The following PHACTR1 variants were observed in gnomAD, a reference collection of about 807,000 sequenced individuals.
PHACTR1 encodes the protein RPEL repeat containing 1.
A neutral mutation model predicts 69.2 loss-of-function variants in PHACTR1; 16 were observed. The ratio of observed to expected loss-of-function variants is 0.23; its 90% CI spans 0.16 to 0.35. PHACTR1 has a LOEUF of 0.35. PHACTR1 is among the 10% of genes least tolerant of loss of function. The pLI, the probability that PHACTR1 is intolerant of heterozygous loss-of-function variation, is 1.00. For synonymous variants in PHACTR1, 312 were observed against 284.5 expected (o/e 1.10, Z -0.97); for missense variants, 510 against 734.7 (o/e 0.69, Z 3.54).
At chr6:13,285,758 C>T (rs981584076) in intron 13 of PHACTR1, among the ~76,000 whole-genome samples, 4 of 152,160 alleles carry the variant, frequency 2.6e-5, no homozygotes, top group African/African-American at 9.7e-5. Context: ...TGGAAGTCTC[C>T]ACCTCGAGGC....
chr6:12,751,474 A>G (rs1448463004), intron 4 of PHACTR1, among the ~76,000 whole-genome samples: 2 of 152,364 alleles, frequency 1.3e-5, no homozygotes, highest in East Asian at 3.9e-4. Context: ...AAATTAGTCT[A>G]TTGACCCCTT....
At chr6:12,872,595 A>G (rs1432021801) in intron 4 of PHACTR1, among the ~76,000 whole-genome samples, 1 of 152,208 alleles carries the variant, frequency 6.6e-6, no homozygotes. Flanking sequence ...CGATGTGACT[A>G]TTTAAATTTC....
At chr6:13,049,588 C>T (rs1242993168) in intron 4 of PHACTR1, among the ~76,000 whole-genome samples, 1 of 152,170 alleles carries the variant, frequency 6.6e-6, no homozygotes, top group Non-Finnish European at 1.5e-5. Context: ...AGATACCCAT[C>T]CCCTTGAAGC....
chr6:12,845,414 T>C (rs1353339148), intron 4 of PHACTR1, among the ~76,000 whole-genome samples: 4 of 118,620 alleles, frequency 3.4e-5, no homozygotes, highest in African/African-American at 9.9e-5. Flanking sequence ...CAAGATGTCA[T>C]TGTGAACACC....
At chr6:13,165,038 T>C in intron 6 of PHACTR1, among the ~76,000 whole-genome samples, 1 of 151,972 alleles carries the variant, frequency 6.6e-6, no homozygotes, top group East Asian at 1.9e-4. Context: ...TCAGAGGAAA[T>C]AGTTTGATCT....
chr6:13,174,605 G>A (rs1479941904), intron 6 of PHACTR1, among the ~76,000 whole-genome samples: 3 of 152,176 alleles, frequency 2.0e-5, no homozygotes, highest in African/African-American at 7.2e-5. Flanking sequence ...GAGAGTTTGA[G>A]TTTTGTTAAT....
At chr6:12,934,751 G>C (rs771787844) in intron 4 of PHACTR1, among the ~76,000 whole-genome samples, 1 of 151,918 alleles carries the variant, frequency 6.6e-6, no homozygotes, top group Non-Finnish European at 1.5e-5. Flanking sequence ...CAGGAGAATC[G>C]CTTGAGCCTG....
At chr6:13,201,226 C>T (rs1454035943) in intron 7 of PHACTR1, among the ~76,000 whole-genome samples, 3 of 152,182 alleles carry the variant, frequency 2.0e-5, no homozygotes, top group Non-Finnish European at 2.9e-5. Context: ...TTCACTGGCG[C>T]TGCTGACCAC....
At chr6:12,888,270 A>G (rs1190781729) in intron 4 of PHACTR1, among the ~76,000 whole-genome samples, 1 of 152,158 alleles carries the variant, frequency 6.6e-6, no homozygotes, top group Admixed American at 6.5e-5. Context: ...CTTCTACGAC[A>G]TGAGCATGCC....
chr6:13,064,028 C>A (rs563424919), intron 5 of PHACTR1, among the ~76,000 whole-genome samples: 1 of 152,270 alleles, frequency 6.6e-6, no homozygotes, highest in Admixed American at 6.5e-5. Context: ...TATAATATAA[C>A]AACTTCTATA....
At chr6:12,780,524 G>T (rs1160108900) in intron 4 of PHACTR1, among the ~76,000 whole-genome samples, 2 of 152,124 alleles carry the variant, frequency 1.3e-5, no homozygotes, top group African/African-American at 4.8e-5. Context: ...GTAAATCTTT[G>T]CCAGATCCTT....
chr6:12,883,187 T>C (rs1783272633), intron 4 of PHACTR1, among the ~76,000 whole-genome samples: 1 of 152,220 alleles, frequency 6.6e-6, no homozygotes, highest in South Asian at 2.1e-4. Flanking sequence ...CATTCTCAGG[T>C]ATATCAAAAC....
intron 4 of PHACTR1, among the ~76,000 whole-genome samples, chr6:12,873,177 A>G (rs1481570556): frequency 6.6e-6 from 1 of 151,766 alleles, no homozygotes; most frequent in Non-Finnish European, 1.5e-5. Flanking sequence ...ACACCCAGCT[A>G]ACTTTTTAAA....
At chr6:13,114,593 G>A (rs1442515781) in intron 5 of PHACTR1, among the ~76,000 whole-genome samples, 1 of 152,178 alleles carries the variant, frequency 6.6e-6, no homozygotes, top group African/African-American at 2.4e-5. Flanking sequence ...AATTTCTCTA[G>A]CTCAGCAGTT....
At chr6:13,271,647 TAATAC>T (rs998414195) in intron 10 of PHACTR1, among the ~76,000 whole-genome samples, 2 of 152,136 alleles carry the variant, frequency 1.3e-5, no homozygotes, top group African/African-American at 4.8e-5. Context: ...TACTTATATC[TAATAC>T]AAGATAAATG....
At chr6:13,160,070 G>A in intron 5 of PHACTR1, 134 bp from the exon 6 acceptor site, 1 of 720,604 alleles carries the variant, frequency 1.4e-6, no homozygotes, top group Admixed American at 2.2e-5. Flanking sequence ...TGTCTCATTA[G>A]CTCACATTAG....
intron 6 of PHACTR1, among the ~76,000 whole-genome samples, chr6:13,161,898 C>T (rs753171964): frequency 1.1e-4 from 16 of 152,204 alleles, no homozygotes; most frequent in Non-Finnish European, 2.1e-4. Flanking sequence ...TTCCAAACTA[C>T]GTTCTGTCAT....
At chr6:13,213,014 C>T (rs1380495627) in intron 8 of PHACTR1, among the ~76,000 whole-genome samples, 1 of 152,176 alleles carries the variant, frequency 6.6e-6, no homozygotes, top group Non-Finnish European at 1.5e-5. Context: ...ATAGAACATA[C>T]AGTCCACAAG....
chr6:12,927,450 A>G (rs1366683315), intron 4 of PHACTR1, among the ~76,000 whole-genome samples: 1 of 152,192 alleles, frequency 6.6e-6, no homozygotes, highest in Non-Finnish European at 1.5e-5. Flanking sequence ...AATCTCTTAT[A>G]TTGTAGGAAC....
Sources: gnomAD v4.1 joint callset for allele counts (sites outside exome capture counted in the v4.1 genomes callset) on GRCh38, gnomAD v4.1.1 for gene constraint, MANE v1.5 for transcripts, NCBI Gene and HGNC (gene_info 2026-07-23, HGNC 2026-07-21) for gene names.